FAM20C: variants seen among roughly 807,000 people sequenced by gnomAD.
FAM20C encodes the protein FAM20C golgi associated secretory pathway kinase.
FAM20C carries 40 observed loss-of-function variants against 51.5 expected under a neutral mutation model. The ratio of observed to expected loss-of-function variants is 0.78; its 90% CI spans 0.60 to 1.01. The LOEUF is 1.01. Ranked by LOEUF, FAM20C falls within the 50% of genes least tolerant of loss-of-function variation. FAM20C has a pLI of 0.00. For missense variants in FAM20C, 861 were observed against 844.7 expected (o/e 1.02, Z -0.24); for synonymous variants, 406 against 380.6 (o/e 1.07, Z -0.78).
chr7:207,589 A>G (rs1006270994), intron 2 of FAM20C, among the ~76,000 whole-genome samples: 6 of 152,190 alleles, frequency 3.9e-5, no homozygotes, highest in Non-Finnish European at 7.3e-5. Flanking sequence ...GAGCAGTCGC[A>G]TATGCCACCC....
At chr7:257,222 C>G in intron 8 of FAM20C, 136 bp downstream of exon 8, 1 of 913,162 alleles carries the variant, frequency 1.1e-6, no homozygotes, top group African/African-American at 1.7e-5. Flanking sequence ...AGGCCCATCT[C>G]AGAGCCAGAT....
At chr7:220,441 C>G (rs1010248242) in intron 3 of FAM20C, among the ~76,000 whole-genome samples, 1 of 152,204 alleles carries the variant, frequency 6.6e-6, no homozygotes, top group Non-Finnish European at 1.5e-5. Context: ...AACAAATACG[C>G]AGGAACGTTT....
intron 2 of FAM20C, among the ~76,000 whole-genome samples, chr7:202,414 G>A (rs918912849): frequency 2.1e-5 from 3 of 145,992 alleles, no homozygotes; most frequent in African/African-American, 7.7e-5. Flanking sequence ...TAGAGAGGAC[G>A]GGTGACTGCT....
intron 3 of FAM20C, chr7:246,145 G>C: frequency 2.9e-6 from 1 of 347,462 alleles, no homozygotes; most frequent in Non-Finnish European, 5.4e-6. Flanking sequence ...GGCCTCCGTC[G>C]CAAGGGCCTG....
intron 2 of FAM20C, among the ~76,000 whole-genome samples, chr7:202,289 G>A (rs1399016499): frequency 6.6e-6 from 1 of 150,876 alleles, no homozygotes; most frequent in Non-Finnish European, 1.5e-5. Flanking sequence ...GGGTGGGATT[G>A]TACTGGGGAA....
intron 5 of FAM20C, among the ~76,000 whole-genome samples, chr7:253,495 G>A (rs1012533877): frequency 6.6e-6 from 1 of 151,112 alleles, no homozygotes; most frequent in East Asian, 1.9e-4. Context: ...CTTGCTGTTT[G>A]TGTCTTTTAT....
At chr7:198,736 C>T (rs762651478) in intron 2 of FAM20C, among the ~76,000 whole-genome samples, 13 of 152,310 alleles carry the variant, frequency 8.5e-5, no homozygotes, top group Middle Eastern at 6.8e-3. Context: ...AGCCTGACAG[C>T]GCACCTGCTG....
chr7:224,080 C>T (rs1380029715), intron 3 of FAM20C, among the ~76,000 whole-genome samples: 6 of 143,464 alleles, frequency 4.2e-5, no homozygotes, highest in East Asian at 2.0e-4. Flanking sequence ...GTCACAGGGT[C>T]GCACGGCGGC....
Position 193,466 on chromosome 7 carries a change from C to T in FAM20C, c.267C>T (p.Arg89=), listed in dbSNP as rs769980789. ...DAGWPNKHTL[R]ILQDFSSDPS... is the part of the protein sequence containing the mutation. ...GCTGGCCCAACAAGCACACGCTCCG[C>T]ATCCTGCAGGACTTCAGCTCCGACC... is the stretch of plus-strand genomic sequence containing the variant. The change falls in exon 1 of 10, where the codon CGC becomes CGT. Residue 89 remains arginine, a synonymous_variant. Transcript: ENST00000313766. 2.3e-4 allele frequency: 340 copies of T among 1,481,398 alleles called. 2 individuals are homozygous for T. In the African/African-American group the frequency reaches 3.9e-3, roughly 17 times the overall value. The allele number at this position is 1,481,398 out of a possible 1,614,324, so 91.8% of individuals were successfully genotyped here. A position where few individuals can be genotyped will look rare whatever the true frequency, so the allele number is the denominator to read the frequency against.
At chr7:236,146 G>A (rs1337780748) in intron 3 of FAM20C, among the ~76,000 whole-genome samples, 5 of 151,894 alleles carry the variant, frequency 3.3e-5, no homozygotes, top group South Asian at 2.1e-4. Flanking sequence ...CCTTTTTCCC[G>A]GGGGCTGAAT....
Position 256,755 on chromosome 7 carries a change from T to A in FAM20C, c.1355T>A (p.Phe452Tyr). The change falls in exon 7 of 10, where the codon TTC (phenylalanine) becomes TAC (tyrosine). Residue 452 changes from phenylalanine to tyrosine, a missense_variant. By Grantham distance (22) the Phe-to-Tyr change is conservative. Transcript: ENST00000313766. ...LDVMDMTIFDFLMGNMDRHHY... is the reference protein window; with the variant it reads ...LDVMDMTIFDYLMGNMDRHHY... ...GTCATGGACATGACGATCTTCGACT[T>A]CCTCATGGGTACGTCCCGCAGGGGC... 1 of 1,536,048 alleles carries A rather than the reference T, an allele frequency of 6.5e-7. No homozygotes were observed. The highest frequency in any genetic ancestry group is 1.7e-4 in the Middle Eastern group (1 of 5,984).
intron 3 of FAM20C, among the ~76,000 whole-genome samples, chr7:214,559 C>T (rs1280505786): frequency 4.6e-5 from 7 of 152,210 alleles, no homozygotes; most frequent in Non-Finnish European, 1.0e-4. Context: ...TAGGAAACAC[C>T]ACGTAGCCAC....
chr7:241,387 G>A (rs1787941718), intron 3 of FAM20C, among the ~76,000 whole-genome samples: 1 of 152,020 alleles, frequency 6.6e-6, no homozygotes, highest in Admixed American at 6.5e-5. Flanking sequence ...TCTTCTGCGT[G>A]AGCTTTGAGT....
intron 3 of FAM20C, among the ~76,000 whole-genome samples, chr7:226,491 C>T (rs28707420): frequency 0.25 from 38,575 of 152,024 alleles, 6,607 homozygotes; most frequent in African/African-American, 0.48. Flanking sequence ...AGGAGGGAGT[C>T]GCTGTCCCGC....
At chr7:195,943 C>T (rs752105730) in intron 2 of FAM20C, among the ~76,000 whole-genome samples, 1 of 152,216 alleles carries the variant, frequency 6.6e-6, no homozygotes, top group Non-Finnish European at 1.5e-5. Context: ...ATCTGCCGCA[C>T]GATGAGCGGG....
At chr7:241,657 CATGA>C (rs1787950139) in intron 3 of FAM20C, among the ~76,000 whole-genome samples, 1 of 151,774 alleles carries the variant, frequency 6.6e-6, no homozygotes, top group African/African-American at 2.4e-5. Context: ...TGCACATGTG[CATGA>C]ATGTGTGTAC....
chr7:257,803 G>GA (rs1331494263), intron 8 of FAM20C, among the ~76,000 whole-genome samples: 445 of 126,830 alleles, frequency 3.5e-3, no homozygotes, highest in African/African-American at 0.013. Context: ...GATGGGCTGG[G>GA]TGGACCCACT....
rs1415699255 is a variant in FAM20C, at chr7:193,606, A to C, written c.407A>C (p.His136Pro). 2 of 1,532,178 alleles carry C rather than the reference A, an allele frequency of 1.3e-6. No homozygotes were observed. Among genetic ancestry groups the C allele is most frequent in the Non-Finnish European group, 1.8e-6 (2 of 1,140,008 alleles). The allele number at this position is 1,532,178 out of a possible 1,614,324, so 94.9% of individuals were successfully genotyped here. A position where few individuals can be genotyped will look rare whatever the true frequency, so the allele number is the denominator to read the frequency against. Reference sequence around the variant, plus strand: ...GCCCTAAGACCCCACGACCCCGCGCACCGGCCGCTGCTGCGAGACCCCGGC... The same window carrying C: ...GCCCTAAGACCCCACGACCCCGCGCCCCGGCCGCTGCTGCGAGACCCCGGC... ...PGALRPHDPA[H>P]RPLLRDPGPR... The change falls in exon 1 of 10, where the codon CAC becomes CCC. Residue 136 changes from histidine to proline, a missense_variant. Coordinates refer to ENST00000313766, the MANE Select transcript of FAM20C (RefSeq NM_020223.4).
rs922401002 is a variant in FAM20C at position 256,678 on chromosome 7, C to T, written c.1278C>T (p.Cys426=). The T allele has an allele frequency of 3.5e-5, 53 of 1,535,954 alleles. No homozygotes were observed. The highest frequency in any genetic ancestry group is 9.8e-5 in the East Asian group (4 of 40,918). ...GGTGGGAGGTGGACCCTGACTACTG[C>T]GAGGAGGTGAAGCAGACACCGCCCT... ...KAEWEVDPDY[C]EEVKQTPPYD... The change falls in exon 7 of 10, where the codon TGC becomes TGT. Residue 426 remains cysteine (C), a synonymous_variant. Transcript: ENST00000313766.
Sources: gnomAD v4.1 joint callset for allele counts (sites outside exome capture counted in the v4.1 genomes callset) on GRCh38, gnomAD v4.1.1 for gene constraint, MANE v1.5 for transcripts, NCBI Gene and HGNC (gene_info 2026-07-23, HGNC 2026-07-21) for gene names.